ABLIM1: variants seen among roughly 807,000 people sequenced by gnomAD.
ABLIM1 encodes actin binding LIM protein 1, also known as actin-binding LIM protein 1.
Under a neutral mutation model 107.0 loss-of-function variants are expected in ABLIM1, and 40 were observed. The ratio of observed to expected loss-of-function variants is 0.37; its 90% CI spans 0.29 to 0.49. The LOEUF (loss-of-function observed/expected upper bound fraction) is 0.49. ABLIM1 is among the 20% of genes least tolerant of loss of function. The probability of loss-of-function intolerance (pLI) is 0.97; values close to 1 mark genes in which losing one functional copy is unlikely to be tolerated. For synonymous variants in ABLIM1, 357 were observed against 357.3 expected, an observed-to-expected ratio of 1.00 and a Z score of 0.01; for missense variants, 857 against 1,008.5, an observed-to-expected ratio of 0.85 and a Z score of 2.04.
In ABLIM1 at chr10:114,680,642, G is replaced by A. The variant is rs530305260; in HGVS notation, c.64+3648C>T. 3.9e-5 allele frequency among the ~76,000 whole-genome samples: 6 copies of A among 152,192 alleles called. No individual in the cohort carries two copies. The South Asian group carries it at 1.0e-3, about 26-fold the overall frequency. On this transcript the variant is annotated intron_variant, in intron 1 of 23. Transcript: ENST00000369256. ...CTCAGATCTGCCCCTTCTAACCAGC[G>A]AGGTCATCTATATCCCGAAGGATCC...
intron 8 of ABLIM1, among the ~76,000 whole-genome samples, chr10:114,482,019 T>G (rs1375315755): frequency 6.6e-6 from 1 of 152,238 alleles, no homozygotes; most frequent in Non-Finnish European, 1.5e-5. Flanking sequence ...CACACCCATT[T>G]TGTAGGTCAG....
intron 12 of ABLIM1, among the ~76,000 whole-genome samples, chr10:114,464,173 C>A (rs992588614): frequency 6.0e-5 from 9 of 151,208 alleles, no homozygotes; most frequent in Non-Finnish European, 1.2e-4. Flanking sequence ...AGCAGGGTGG[C>A]AGCATAAAGG....
chr10:114,635,579 C>T (rs1566151156), intron 1 of ABLIM1, among the ~76,000 whole-genome samples: 1 of 152,226 alleles, frequency 6.6e-6, no homozygotes, highest in East Asian at 1.9e-4. Context: ...GGCTGGAGTG[C>T]AGTGGCACAT....
rs541977193 is a variant in ABLIM1 at position 114,436,856 on chromosome 10, C to T, written c.2224-483G>A. 5.9e-5 allele frequency among the ~76,000 whole-genome samples: 9 copies of T among 152,172 alleles called. No homozygotes were observed. The East Asian group carries it at 1.7e-3, about 29-fold the overall frequency. On this transcript the variant is annotated intron_variant, in intron 22 of 22. Coordinates refer to ENST00000533213, the MANE Select transcript of ABLIM1 (RefSeq NM_002313.7). ...CAGTCATTCCCCCCTAGAAAAGTTC[C>T]CCCAAGATCCTGCAGCCTTTATTCT...
At chr10:114,618,868 A>ACTGTGGT (rs2077290082) in intron 1 of ABLIM1, among the ~76,000 whole-genome samples, 1 of 152,190 alleles carries the variant, frequency 6.6e-6, no homozygotes, top group East Asian at 1.9e-4. Context: ...GTGTTGCCTC[A>ACTGTGGT]CTGTGGTCGT....
intron 2 of ABLIM1, among the ~76,000 whole-genome samples, chr10:114,588,487 C>CTTTTTTTTTTTTTTTTTTTTTTT (rs34043960): frequency 3.9e-4 from 30 of 76,560 alleles, no homozygotes; most frequent in African/African-American, 5.4e-4. Context: ...TTCTTTCTTT[C>CTTTTTTTTTTTTTTTTTTTTTTT]TTTTTTTTTT....
upstream of ABLIM1, among the ~76,000 whole-genome samples, chr10:114,662,253 T>C (rs1297235766): frequency 6.6e-6 from 1 of 152,150 alleles, no homozygotes; most frequent in African/African-American, 2.4e-5. Flanking sequence ...TGTTTTTTAA[T>C]CAAAATGAAA....
upstream of ABLIM1, among the ~76,000 whole-genome samples, chr10:114,769,528 AAAAG>A (rs1279936034): frequency 6.7e-5 from 10 of 148,578 alleles, no homozygotes; most frequent in Non-Finnish European, 1.5e-4. Context: ...AGGGAAGGAG[AAAAG>A]AAAGGAAGGA....
intron 1 of ABLIM1, among the ~76,000 whole-genome samples, chr10:114,616,226 G>A (rs900996465): frequency 6.6e-6 from 1 of 152,134 alleles, no homozygotes; most frequent in Non-Finnish European, 1.5e-5. Flanking sequence ...ATGCATGATG[G>A]TAATTGCCTG....
At chr10:114,457,518 G>A (rs777119868) in intron 12 of ABLIM1, among the ~76,000 whole-genome samples, 3 of 152,006 alleles carry the variant, frequency 2.0e-5, no homozygotes, top group Non-Finnish European at 4.4e-5. Flanking sequence ...GATCTGTGGC[G>A]CCTTGGCCTC....
intron 6 of ABLIM1, among the ~76,000 whole-genome samples, chr10:114,515,331 G>A (rs770906008): frequency 8.5e-5 from 13 of 152,146 alleles, no homozygotes; most frequent in Non-Finnish European, 1.3e-4. Context: ...CACAGTGAAT[G>A]GTCTAGAGCT....
At chr10:114,541,595 C>T (rs959403273) in intron 6 of ABLIM1, among the ~76,000 whole-genome samples, 47 of 152,182 alleles carry the variant, frequency 3.1e-4, no homozygotes, top group African/African-American at 1.1e-3. Context: ...CTAGCTCACA[C>T]GCCCATCTAA....
chr10:114,564,268 TTTTG>T (rs1342833145), intron 4 of ABLIM1, among the ~76,000 whole-genome samples: 1 of 151,664 alleles, frequency 6.6e-6, no homozygotes, highest in East Asian at 1.9e-4. Flanking sequence ...TGCGTGGGTT[TTTTG>T]TTTGTTTTTT....
At chr10:114,465,531 G>C in intron 12 of ABLIM1, 167 bp downstream of exon 12, 2 of 719,016 alleles carry the variant, frequency 2.8e-6, no homozygotes, top group Non-Finnish European at 4.2e-6. Flanking sequence ...GATGTTTCAA[G>C]AAAAGATAGA....
chr10:114,540,799 G>A (rs1366434667), intron 6 of ABLIM1, among the ~76,000 whole-genome samples: 1 of 152,180 alleles, frequency 6.6e-6, no homozygotes, highest in African/African-American at 2.4e-5. Context: ...CACAGGGTCT[G>A]CAGGCCTCGC....
chr10:114,497,326 A>G (rs2059797749), intron 6 of ABLIM1, among the ~76,000 whole-genome samples: 1 of 152,218 alleles, frequency 6.6e-6, no homozygotes, highest in African/African-American at 2.4e-5. Context: ...AGAGCTCACC[A>G]GAGCGCCATC....
At chr10:114,678,543 A>G (rs1370752220) in intron 1 of ABLIM1, among the ~76,000 whole-genome samples, 1 of 152,212 alleles carries the variant, frequency 6.6e-6, no homozygotes, top group East Asian at 1.9e-4. Flanking sequence ...GAAAGCAGCC[A>G]TGTCCATTTA....
At chr10:114,735,837 A>G (rs931269216) in intron 1 of ABLIM1, among the ~76,000 whole-genome samples, 1 of 152,240 alleles carries the variant, frequency 6.6e-6, no homozygotes, top group Non-Finnish European at 1.5e-5. Context: ...AGTTATATTT[A>G]TTATACAAAG....
chr10:114,546,692 T>C (rs1470793381), intron 5 of ABLIM1, among the ~76,000 whole-genome samples: 2 of 152,238 alleles, frequency 1.3e-5, no homozygotes, highest in Non-Finnish European at 2.9e-5. Flanking sequence ...TTTGCTTGTT[T>C]GTTTCACTAT....
Sources: gnomAD v4.1 joint callset for allele counts (sites outside exome capture counted in the v4.1 genomes callset) on GRCh38, gnomAD v4.1.1 for gene constraint, MANE v1.5 for transcripts, NCBI Gene and HGNC (gene_info 2026-07-23, HGNC 2026-07-21) for gene names.